SARDH: variants seen among roughly 807,000 people sequenced by gnomAD.
SARDH encodes sarcosine dehydrogenase, mitochondrial.
In SARDH, 95 loss-of-function variants were observed where a neutral mutation model predicts 109.1. The observed-to-expected ratio is 0.87, with a 90% CI of 0.74 to 1.03. The LOEUF is 1.03. SARDH is among the 50% of genes least tolerant of loss of function. The pLI, the probability that SARDH is intolerant of heterozygous loss-of-function variation, is 0.00. For synonymous variants in SARDH, 572 were observed against 534.8 expected (o/e 1.07, Z -0.96); for missense variants, 1,267 against 1,287.8 (o/e 0.98, Z 0.25).
chr9:133,685,335 G>T, intron 16 of SARDH, 49 bp from the exon 17 acceptor site: 1 of 1,549,960 alleles, frequency 6.5e-7, no homozygotes, highest in Non-Finnish European at 8.8e-7. Context: ...CACGGGTGGG[G>T]CCTGGGCAGG....
rs572309519 is a variant in SARDH, at chr9:133,679,962, C to T, written c.2163+5231G>A. On this transcript the variant is annotated intron_variant, in intron 17 of 20. Coordinates refer to ENST00000439388, the MANE Select transcript of SARDH (RefSeq NM_001134707.2). ...TGACTGCGCAGGCACACGCATTCCTCGCCTGCATCTGGTTGGCTGGAACCC... is the reference window on the plus strand; with the variant it reads ...TGACTGCGCAGGCACACGCATTCCTTGCCTGCATCTGGTTGGCTGGAACCC... Among the ~76,000 whole-genome samples, 39 of 152,332 alleles carry T rather than the reference C, an allele frequency of 2.6e-4. No homozygotes were observed. The South Asian group carries it at 7.0e-3, about 28-fold the overall frequency.
rs1314227600 is a variant in SARDH, at chr9:133,709,022, C to T, written c.1329-594G>A. Among the ~76,000 whole-genome samples, 1 of 152,136 alleles carries T rather than the reference C, an allele frequency of 6.6e-6. No homozygotes were observed. The highest frequency in any genetic ancestry group is 6.5e-5 in the Admixed American group (1 of 15,288). On this transcript the variant is annotated intron_variant, in intron 10 of 20. Transcript: ENST00000439388. The surrounding 1 kb of genome is among the most constrained non-coding windows in gnomAD (Gnocchi z 4.2). ...GCTGGGCCTCGTCTGTGGGTCAGAC[C>T]AGGGACCCAAGAGGTACAGAGTCTC...
intron 10 of SARDH, among the ~76,000 whole-genome samples, chr9:133,710,901 G>A (rs1352406557): frequency 6.6e-6 from 1 of 152,240 alleles, no homozygotes; most frequent in Non-Finnish European, 1.5e-5. Context: ...CAGGCTGCTT[G>A]GCAGGGGTCT....
In SARDH at chr9:133,712,092, T is replaced by C. The variant is rs2427986; in HGVS notation, c.1328+527A>G. On this transcript the variant is annotated intron_variant, in intron 10 of 20. Transcript: ENST00000439388. This position sits in a 1 kb window ranked among gnomAD's most constrained non-coding sequence, Gnocchi z 4.1. ...TTCCATGTGCAGACCCCATGCTGGG[T>C]GCCTCACCAGTACAAATGCCCTCCC... is the stretch of plus-strand genomic sequence containing the variant. Among the ~76,000 whole-genome samples, 147,322 of 152,292 alleles carry C rather than the reference T, an allele frequency of 0.97. 71,289 individuals are homozygous for C. Among genetic ancestry groups the C allele is most frequent in the East Asian group, 1 (5,158 of 5,160 alleles).
intron 19 of SARDH, among the ~76,000 whole-genome samples, chr9:133,669,973 C>G (rs1259032464): frequency 6.6e-6 from 1 of 152,174 alleles, no homozygotes; most frequent in East Asian, 1.9e-4. Context: ...GGAGCCTTCT[C>G]TACCTCCCCA....
chr9:133,725,545 G>A (rs1337352299), intron 6 of SARDH: 4 of 436,960 alleles, frequency 9.2e-6, no homozygotes, highest in East Asian at 7.3e-5. Flanking sequence ...GTGTGGTGAC[G>A]GGCACATTTA....
chr9:133,667,214 T>C (rs1830106507), intron 19 of SARDH: 1 of 459,096 alleles, frequency 2.2e-6, no homozygotes, highest in Non-Finnish European at 3.8e-6. Context: ...TTTTTTTTTT[T>C]TTGGTGCAGT....
At position 133,666,924 on chromosome 9, in the gene SARDH, C is replaced by T. The variant is rs774873152; in HGVS notation, c.2496-54G>A. On this transcript the variant is annotated intron_variant, in intron 19 of 20. Coordinates refer to ENST00000439388, the MANE Select transcript of SARDH (RefSeq NM_001134707.2). This position sits in a 1 kb window ranked among gnomAD's most constrained non-coding sequence, Gnocchi z 5.2. The stretch of plus-strand genomic sequence containing the variant: ...CCCCAGAAACCGCAGGGTGGGGACG[C>T]GTCCACAGCGGCCTGGAGGAGAATG... The T allele has an allele frequency of 4.2e-5, 68 of 1,603,320 alleles. No individual in the cohort carries two copies. Among genetic ancestry groups the T allele is most frequent in the Non-Finnish European group, 5.3e-5 (62 of 1,175,450 alleles).
chr9:133,671,074 C>A (rs903095592), intron 18 of SARDH, among the ~76,000 whole-genome samples: 5 of 152,176 alleles, frequency 3.3e-5, no homozygotes, highest in Admixed American at 3.3e-4. Flanking sequence ...GACGCCCAAG[C>A]TGGGTGCCCA....
intron 17 of SARDH, among the ~76,000 whole-genome samples, chr9:133,676,237 C>T (rs76413010): frequency 0.024 from 3,600 of 152,206 alleles, 78 homozygotes; most frequent in South Asian, 0.12. Flanking sequence ...AAACACATCA[C>T]GCTAAGTGAA....
At chr9:133,723,252 G>A (rs1832385622) in intron 6 of SARDH, among the ~76,000 whole-genome samples, 1 of 152,188 alleles carries the variant, frequency 6.6e-6, no homozygotes, top group South Asian at 2.1e-4. Flanking sequence ...CAGAATCTCA[G>A]CTAGTTTCTT....
intron 17 of SARDH, among the ~76,000 whole-genome samples, chr9:133,684,084 C>T (rs1179019666): frequency 4.6e-5 from 7 of 152,366 alleles, no homozygotes; most frequent in African/African-American, 7.2e-5. Flanking sequence ...GCCCGGCCCC[C>T]GCTGCCACTA....
chr9:133,682,203 C>A (rs569477492), intron 17 of SARDH, among the ~76,000 whole-genome samples: 1 of 152,224 alleles, frequency 6.6e-6, no homozygotes, highest in East Asian at 1.9e-4. Context: ...CGGTGTGAAA[C>A]ACATGAGCAG....
chr9:133,733,534 G>T (rs548097697), intron 2 of SARDH, among the ~76,000 whole-genome samples: 15 of 152,300 alleles, frequency 9.8e-5, no homozygotes, highest in African/African-American at 3.6e-4. Flanking sequence ...CTCAGTCCTG[G>T]TGGCTCTGTC....
At chr9:133,661,879 A>T (rs1176317386), downstream of SARDH, among the ~76,000 whole-genome samples, 1 of 152,190 alleles carries the variant, frequency 6.6e-6, no homozygotes, top group Admixed American at 6.5e-5. Flanking sequence ...AAAAAAATTT[A>T]AAAATAGCTA....
intron 20 of SARDH, among the ~76,000 whole-genome samples, chr9:133,664,776 C>T (rs914118464): frequency 6.6e-5 from 10 of 152,168 alleles, no homozygotes; most frequent in Non-Finnish European, 1.2e-4. Flanking sequence ...GCTTTTTCTG[C>T]GACAGGAGCT....
At position 133,663,879 on chromosome 9, in the gene SARDH, G is replaced by A. The variant is rs780782983; in HGVS notation, c.*10C>T. 84 of 1,613,872 alleles carry A rather than the reference G, an allele frequency of 5.2e-5. No individual in the cohort carries two copies. The highest frequency in any genetic ancestry group is 2.5e-5 in the Non-Finnish European group (29 of 1,179,926). On this transcript the variant is annotated 3_prime_UTR_variant, in exon 21 of 21. Transcript: ENST00000439388. Reference sequence around the variant, plus strand: ...TGGACAGCATGGGATGGGGCATGTGGTCTGAGCCCTCAGTAGATTCCCTTC... The same window carrying A: ...TGGACAGCATGGGATGGGGCATGTGATCTGAGCCCTCAGTAGATTCCCTTC...
rs1167797076 is a variant in SARDH at position 133,730,044 on chromosome 9, A to G, written c.814+20T>C. 6.2e-7 allele frequency: 1 copy of G among 1,613,724 alleles called. No individual in the cohort carries two copies. Among genetic ancestry groups the G allele is most frequent in the Admixed American group, 1.7e-5 (1 of 59,982 alleles). On this transcript the variant is annotated intron_variant, in intron 5 of 20. Transcript: ENST00000439388. ...CAGCCAGCATGGCCACACAGGAGTC[A>G]GGAGAAATGCCACTCGCACCTGCAC...
chr9:133,696,754 A>C (rs1289623044), intron 13 of SARDH, among the ~76,000 whole-genome samples: 1 of 152,162 alleles, frequency 6.6e-6, no homozygotes, highest in Non-Finnish European at 1.5e-5. Context: ...AAGAATCACA[A>C]AGGGAATTAG....
Sources: gnomAD v4.1 joint callset for allele counts (sites outside exome capture counted in the v4.1 genomes callset) on GRCh38, gnomAD v4.1.1 for gene constraint, Gnocchi (gnomAD v3.1) non-coding constraint, MANE v1.5 for transcripts, NCBI Gene and HGNC (gene_info 2026-07-23, HGNC 2026-07-21) for gene names.